SCHIP1: variants seen among roughly 807,000 people sequenced by gnomAD.
The protein encoded by SCHIP1 is schwannomin interacting protein 1.
SCHIP1 carries 8 observed loss-of-function variants against 29.7 expected under a neutral mutation model. That is an observed-to-expected ratio of 0.27 (90% confidence interval 0.16 to 0.49). SCHIP1 has a LOEUF of 0.49. SCHIP1 is among the 20% of genes least tolerant of loss of function. The probability of loss-of-function intolerance (pLI) is 0.99; values close to 1 mark genes in which losing one functional copy is unlikely to be tolerated. For synonymous variants in SCHIP1, 76 were observed against 94.9 expected (o/e 0.80, Z 1.16); for missense variants, 193 against 294.6 (o/e 0.66, Z 2.52).
At chr3:159,530,167 C>T in the SCHIP1 span, among the ~76,000 whole-genome samples, 1 of 152,098 alleles carries the variant, frequency 6.6e-6, no homozygotes, top group African/African-American at 2.4e-5. Flanking sequence ...TTTTGAGGAA[C>T]CTCCATACTG....
the SCHIP1 span, among the ~76,000 whole-genome samples, chr3:159,675,161 A>C: frequency 6.6e-6 from 1 of 152,192 alleles, no homozygotes; most frequent in South Asian, 2.1e-4. Context: ...AGAAATGTTG[A>C]ACTTGTTGGT....
At chr3:159,715,480 T>C in the SCHIP1 span, among the ~76,000 whole-genome samples, 5 of 152,052 alleles carry the variant, frequency 3.3e-5, no homozygotes, top group Admixed American at 6.5e-5. Context: ...TTTGAACCCA[T>C]CGCAAAGAAG....
intron 3 of SCHIP1, chr3:159,887,443 C>T (rs1339925118): frequency 1.0e-5 from 4 of 386,080 alleles, no homozygotes; most frequent in Non-Finnish European, 1.9e-5. Context: ...AGTTTTGAGG[C>T]CAAGAATCAA....
chr3:159,510,943 C>T, the SCHIP1 span, among the ~76,000 whole-genome samples: 38 of 152,190 alleles, frequency 2.5e-4, no homozygotes, highest in African/African-American at 8.9e-4. Context: ...GCAGTCTGTC[C>T]GTTCTCAGAT....
the SCHIP1 span, among the ~76,000 whole-genome samples, chr3:159,582,124 GT>G: frequency 1.3e-5 from 2 of 151,740 alleles, no homozygotes; most frequent in African/African-American, 4.8e-5. Flanking sequence ...ATCTAGATAG[GT>G]TTTTTTTATG....
At chr3:159,796,319 C>T in the SCHIP1 span, among the ~76,000 whole-genome samples, 2 of 151,528 alleles carry the variant, frequency 1.3e-5, no homozygotes, top group Non-Finnish European at 2.9e-5. Context: ...ATATAAAGCA[C>T]GTTGAATCAT....
chr3:159,826,716 G>C, the SCHIP1 span, among the ~76,000 whole-genome samples: 7,406 of 152,248 alleles, frequency 0.049, 206 homozygotes, highest in Non-Finnish European at 0.069. Context: ...AACTCAGAAG[G>C]ACTGCTCATT....
At chr3:159,410,287 C>G in the SCHIP1 span, among the ~76,000 whole-genome samples, 1 of 151,958 alleles carries the variant, frequency 6.6e-6, no homozygotes. Flanking sequence ...GAGACTACAT[C>G]AAGTTAAAAA....
the SCHIP1 span, among the ~76,000 whole-genome samples, chr3:159,526,250 C>T: frequency 6.6e-6 from 1 of 152,160 alleles, no homozygotes; most frequent in Admixed American, 6.5e-5. Context: ...CTCACTGCAG[C>T]CTTGACCTCC....
chr3:159,324,744 T>A, the SCHIP1 span, among the ~76,000 whole-genome samples: 1 of 152,142 alleles, frequency 6.6e-6, no homozygotes, highest in South Asian at 2.1e-4. Flanking sequence ...GGATTAATAA[T>A]AGAGGGACTA....
At chr3:159,484,789 A>T in the SCHIP1 span, among the ~76,000 whole-genome samples, 1 of 152,218 alleles carries the variant, frequency 6.6e-6, no homozygotes, top group Non-Finnish European at 1.5e-5. Context: ...TCCACAATGC[A>T]TTGGCACAGA....
chr3:159,828,430 CGTATATATACGT>C, the SCHIP1 span, among the ~76,000 whole-genome samples: 1 of 91,542 alleles, frequency 1.1e-5, no homozygotes, highest in Non-Finnish European at 2.1e-5. Flanking sequence ...TATATATATA[CGTATATATACGT>C]ATATATATAC....
At chr3:159,704,407 C>T in the SCHIP1 span, among the ~76,000 whole-genome samples, 1 of 91,186 alleles carries the variant, frequency 1.1e-5, no homozygotes, top group Non-Finnish European at 2.0e-5. Context: ...TGCGCTCCAG[C>T]AATTTTTTCT....
chr3:159,369,520 G>T, the SCHIP1 span, among the ~76,000 whole-genome samples: 4 of 151,998 alleles, frequency 2.6e-5, no homozygotes, highest in Admixed American at 2.0e-4. Context: ...TTTGGGGGGG[G>T]AATAAAATAA....
chr3:159,619,670 C>T, the SCHIP1 span, among the ~76,000 whole-genome samples: 1 of 152,164 alleles, frequency 6.6e-6, no homozygotes, highest in African/African-American at 2.4e-5. Flanking sequence ...AAACAAATTT[C>T]TGTAGCTGGG....
At chr3:159,441,610 TG>T in the SCHIP1 span, among the ~76,000 whole-genome samples, 1 of 152,026 alleles carries the variant, frequency 6.6e-6, no homozygotes, top group Non-Finnish European at 1.5e-5. Context: ...GGGATTTACA[TG>T]GAAAGATGAA....
chr3:159,850,078 T>C (rs1259484651), intron 1 of SCHIP1, among the ~76,000 whole-genome samples: 1 of 152,160 alleles, frequency 6.6e-6, no homozygotes, highest in Non-Finnish European at 1.5e-5. Context: ...GGAAAATTCA[T>C]CATATAGCGT....
chr3:159,836,461 T>C (rs1397273225), upstream of SCHIP1, among the ~76,000 whole-genome samples: 2 of 152,192 alleles, frequency 1.3e-5, no homozygotes, highest in Admixed American at 6.5e-5. Flanking sequence ...TTTCCACATA[T>C]GAAGTTTGAG....
the SCHIP1 span, among the ~76,000 whole-genome samples, chr3:159,321,251 C>T: frequency 2.0e-5 from 3 of 152,328 alleles, no homozygotes; most frequent in East Asian, 5.8e-4. Flanking sequence ...AGGTGTGAGA[C>T]ACCATGCCTG....
Sources: gnomAD v4.1 joint callset for allele counts (sites outside exome capture counted in the v4.1 genomes callset) on GRCh38, gnomAD v4.1.1 for gene constraint, MANE v1.5 for transcripts, NCBI Gene and HGNC (gene_info 2026-07-23, HGNC 2026-07-21) for gene names.